The following RMDN1 variants were observed in gnomAD, a reference collection of about 807,000 sequenced individuals.
RMDN1 encodes the protein regulator of microtubule dynamics 1, also known as regulator of microtubule dynamics protein 1.
In RMDN1, 48 loss-of-function variants were observed where a neutral mutation model predicts 48.9. The observed-to-expected ratio is 0.98, with a 90% CI of 0.78 to 1.25. The LOEUF (loss-of-function observed/expected upper bound fraction) is 1.25, where lower values mean the gene tolerates loss of function less well. Ranked by LOEUF, RMDN1 falls within the 50% of genes most tolerant of loss-of-function variation. The probability of loss-of-function intolerance (pLI) is 0.00; values close to 1 mark genes in which losing one functional copy is unlikely to be tolerated. For synonymous variants in RMDN1, 148 were observed against 132.6 expected, an observed-to-expected ratio of 1.12 and a Z score of -0.80; for missense variants, 418 against 373.4, an observed-to-expected ratio of 1.12 and a Z score of -0.98.
intron 5 of RMDN1, chr8:86,482,973 C>T: frequency 1.4e-6 from 1 of 720,616 alleles, no homozygotes; most frequent in Non-Finnish European, 2.5e-6. Context: ...GTGGCAGCCG[C>T]ACTCGCTGCC....
intron 9 of RMDN1, 100 bp downstream of exon 9, chr8:86,474,720 T>C: frequency 9.5e-7 from 1 of 1,057,572 alleles, no homozygotes; most frequent in Non-Finnish European, 1.5e-6. Flanking sequence ...TTTTCAACAA[T>C]ATTATGCATT....
chr8:86,503,674 T>G lies in RMDN1; in HGVS notation c.247+3321A>C, dbSNP rs532851346. ...GCTACAACACGGGAGTCATCAGTGC[T>G]CCTGAGATGATCATAAAGGAATTTA... is the stretch of plus-strand genomic sequence containing the variant. On this transcript the variant is annotated intron_variant, in intron 2 of 9. Coordinates refer to ENST00000406452, the MANE Select transcript of RMDN1 (RefSeq NM_016033.3). The G allele has an allele frequency of 7.6e-4, 364 of 479,422 alleles. 2 individuals are homozygous for G. The highest frequency in any genetic ancestry group is 1.3e-3 in the Non-Finnish European group (310 of 241,392). 29.7% of individuals were successfully genotyped at this position (479,422 alleles called of 1,614,324 possible). A position where few individuals can be genotyped will look rare whatever the true frequency, so the allele number is the denominator to read the frequency against.
chr8:86,473,346 TCCTG>T lies in RMDN1; in HGVS notation c.*958_*961del, dbSNP rs997032647. On this transcript the variant is annotated 3_prime_UTR_variant, in exon 10 of 10. Coordinates refer to ENST00000406452, the MANE Select transcript of RMDN1 (RefSeq NM_016033.3). ...CTCCAGCCTCAAGTGAGTAGCATAG[TCCTG>T]CCTATTTAAAAACATCTTAGTATTC... The T allele has an allele frequency of 7.6e-5, 75 of 985,446 alleles. No homozygotes were observed. The highest frequency in any genetic ancestry group is 6.1e-4 in the Admixed American group (10 of 16,284). The allele number at this position is 985,446 out of a possible 1,614,324, so 61.0% of individuals were successfully genotyped here.
downstream of RMDN1, among the ~76,000 whole-genome samples, chr8:86,469,186 C>CG (rs1356774287): frequency 3.7e-5 from 3 of 81,680 alleles, no homozygotes; most frequent in Non-Finnish European, 5.5e-5. Context: ...GTTTGTCCCG[C>CG]CCCCCCCATG....
At chr8:86,497,559 G>A (rs1817561103) in intron 2 of RMDN1, among the ~76,000 whole-genome samples, 1 of 151,914 alleles carries the variant, frequency 6.6e-6, no homozygotes, top group Admixed American at 6.6e-5. Context: ...AAATTAGCCA[G>A]GCATGGTGGC....
chr8:86,470,235 TGGGGAAATAA>T (rs1331890628), downstream of RMDN1: 1 of 1,289,168 alleles, frequency 7.8e-7, no homozygotes, highest in Admixed American at 2.3e-5. Flanking sequence ...TACATGTACG[TGGGGAAATAA>T]GCATCTCAAT....
At chr8:86,493,350 T>A (rs1165459751) in intron 2 of RMDN1, among the ~76,000 whole-genome samples, 6 of 152,204 alleles carry the variant, frequency 3.9e-5, no homozygotes, top group Admixed American at 3.3e-4. Context: ...GAAATCAGTA[T>A]GTCAAAGAGA....
chr8:86,472,619 GA>G lies in RMDN1; in HGVS notation c.*1688del, dbSNP rs1195454569. The G allele has an allele frequency of 3.3e-6, 2 of 604,274 alleles. No homozygotes were observed. Among genetic ancestry groups the G allele is most frequent in the African/African-American group, 3.7e-5 (2 of 53,718 alleles). 37.4% of individuals were successfully genotyped at this position (604,274 alleles called of 1,614,324 possible). A position where few individuals can be genotyped will look rare whatever the true frequency, so the allele number is the denominator to read the frequency against. Reference sequence around the variant, plus strand: ...GATGCTACTGTTGCCTAGCTACCCTGACCACATTATTTTTTCACTGTATCAG... The same window carrying G: ...GATGCTACTGTTGCCTAGCTACCCTGCCACATTATTTTTTCACTGTATCAG... On this transcript the variant is annotated 3_prime_UTR_variant, in exon 10 of 10. Coordinates refer to ENST00000406452, the MANE Select transcript of RMDN1 (RefSeq NM_016033.3).
At chr8:86,478,805 G>T (rs747539452) in intron 7 of RMDN1, 118 bp downstream of exon 7, 88 of 792,504 alleles carry the variant, frequency 1.1e-4, no homozygotes, top group Non-Finnish European at 1.0e-4. Flanking sequence ...AGTTGAATTG[G>T]ATCATTAGAA....
intron 2 of RMDN1, among the ~76,000 whole-genome samples, chr8:86,490,272 G>T (rs890570786): frequency 6.6e-6 from 1 of 152,146 alleles, no homozygotes; most frequent in Non-Finnish European, 1.5e-5. Flanking sequence ...TTGGTTACAT[G>T]TCAACGGTGA....
intron 5 of RMDN1, among the ~76,000 whole-genome samples, chr8:86,483,255 T>A (rs13255755): frequency 0.1 from 15,229 of 152,240 alleles, 984 homozygotes; most frequent in Admixed American, 0.2. Flanking sequence ...TATAAAACAT[T>A]GTTTTTTATA....
intron 5 of RMDN1, chr8:86,482,676 T>G: frequency 1.1e-6 from 1 of 886,148 alleles, no homozygotes; most frequent in Non-Finnish European, 1.9e-6. Context: ...AAAAAGACTT[T>G]ATGGAGTTCA....
intron 2 of RMDN1, among the ~76,000 whole-genome samples, chr8:86,506,688 G>T (rs1819420780): frequency 6.6e-6 from 1 of 152,056 alleles, no homozygotes; most frequent in Non-Finnish European, 1.5e-5. Context: ...CGGTATCTTG[G>T]TTCTCAGTTC....
chr8:86,482,254 T>G, intron 5 of RMDN1: 1 of 306,888 alleles, frequency 3.3e-6, no homozygotes, highest in Non-Finnish European at 6.1e-6. Flanking sequence ...ATATAAAAAT[T>G]AGCCAGGTGT....
chr8:86,493,758 G>A (rs1390481313), intron 2 of RMDN1, among the ~76,000 whole-genome samples: 1 of 152,134 alleles, frequency 6.6e-6, no homozygotes, highest in East Asian at 1.9e-4. Context: ...TTTGTTTCAT[G>A]CACAAAGTTA....
intron 2 of RMDN1, chr8:86,504,339 A>G: frequency 6.3e-7 from 1 of 1,578,442 alleles, no homozygotes; most frequent in Non-Finnish European, 8.7e-7. Context: ...TGTCACAAGA[A>G]AAGCAAGTCA....
At chr8:86,485,683 G>A (rs533215474) in intron 4 of RMDN1, among the ~76,000 whole-genome samples, 1 of 152,202 alleles carries the variant, frequency 6.6e-6, no homozygotes, top group South Asian at 2.1e-4. Flanking sequence ...CTGTGACCTT[G>A]TCTCCACAGC....
Position 86,478,903 on chromosome 8 carries a change from A to T in RMDN1, c.729+20T>A. 5 of 1,587,292 alleles carry T rather than the reference A, an allele frequency of 3.2e-6. No individual in the cohort carries two copies. The highest frequency in any genetic ancestry group is 3.5e-6 in the Non-Finnish European group (4 of 1,155,638). On this transcript the variant is annotated intron_variant, in intron 7 of 9. Coordinates refer to ENST00000406452, the MANE Select transcript of RMDN1 (RefSeq NM_016033.3). ...GTGGTTAAGAAATCCGTACTAACTT[A>T]ACAAAGGACATCATACTACCTTCTC...
At chr8:86,477,365 TA>T in intron 7 of RMDN1, 41 bp from the exon 8 acceptor site, 1 of 1,502,308 alleles carries the variant, frequency 6.7e-7, no homozygotes, top group Non-Finnish European at 9.1e-7. Context: ...TAAAAAAGAT[TA>T]AAGAAGACAA....
Sources: allele counts gnomAD v4.1 joint callset (sites outside exome capture counted in the v4.1 genomes callset), GRCh38; gene constraint gnomAD v4.1.1; transcripts MANE v1.5; gene names NCBI Gene and HGNC (gene_info 2026-07-23, HGNC 2026-07-21).